The following HECTD4 variants were observed in gnomAD, a reference collection of about 807,000 sequenced individuals.
The protein encoded by HECTD4 is probable E3 ubiquitin-protein ligase HECTD4.
HECTD4 carries 114 observed loss-of-function variants against 471.5 expected under a neutral mutation model. The ratio of observed to expected loss-of-function variants is 0.24; its 90% confidence interval spans 0.21 to 0.28. The LOEUF (loss-of-function observed/expected upper bound fraction) is 0.28, where lower values mean the gene tolerates loss of function less well. Among genes scored for constraint, HECTD4 ranks in the 10% least tolerant of loss-of-function variants. HECTD4 has a pLI of 1.00. For synonymous variants in HECTD4, 2,012 were observed against 2,256.0 expected (o/e 0.89, Z 3.07); for missense variants, 3,866 against 5,651.5 (o/e 0.68, Z 10.13).
chr12:112,172,877 G>A lies in HECTD4; in HGVS notation c.11595-16C>T. The A allele has an allele frequency of 6.2e-7, 1 of 1,611,056 alleles. No individual in the cohort carries two copies. The highest frequency in any genetic ancestry group is 8.5e-7 in the Non-Finnish European group (1 of 1,177,508). On this transcript the variant is annotated splice_polypyrimidine_tract_variant and intron_variant, in intron 66 of 75. Coordinates refer to ENST00000682272, the MANE Select transcript of HECTD4 (RefSeq NM_001388303.1). ...GCATGCGCACCTTGGGGTGGGGACA[G>A]GGGGAGAGGGGCAAAGTGAGGCAGG...
chr12:112,283,955 CTTTTTTTT>C (rs746498265), intron 7 of HECTD4, among the ~76,000 whole-genome samples: 1 of 135,564 alleles, frequency 7.4e-6, no homozygotes, highest in African/African-American at 2.7e-5. Context: ...CTTCTTTCTT[CTTTTTTTT>C]TTTTTTTTTC....
At chr12:112,212,769 A>C in intron 48 of HECTD4, 119 bp from the exon 49 acceptor site, 1 of 688,736 alleles carries the variant, frequency 1.5e-6, no homozygotes, top group African/African-American at 1.8e-5. Context: ...TTTACTTCTG[A>C]AATGGACATG....
At chr12:112,280,784 C>CTTTTTTT (rs569956040) in intron 8 of HECTD4, among the ~76,000 whole-genome samples, 1 of 115,246 alleles carries the variant, frequency 8.7e-6, no homozygotes, top group Non-Finnish European at 1.8e-5. Flanking sequence ...GGAATAAAAA[C>CTTTTTTT]TTTTTTTTTT....
intron 45 of HECTD4, 26 bp downstream of exon 45, chr12:112,219,360 G>A (rs1288286639): frequency 1.3e-6 from 2 of 1,550,990 alleles, no homozygotes; most frequent in Admixed American, 1.7e-5. Flanking sequence ...GGCTGCAGGA[G>A]GCGCGAAGCA....
chr12:112,179,412 G>C lies in HECTD4; in HGVS notation c.10988-15C>G. 3 of 1,597,650 alleles carry C rather than the reference G, an allele frequency of 1.9e-6. No individual in the cohort carries two copies. The highest frequency in any genetic ancestry group is 2.7e-5 in the African/African-American group (2 of 74,774). The stretch of plus-strand genomic sequence containing the variant: ...CAGCTTCTCCCCTGTTGGATGGAGA[G>C]GGGGCAAAACAATTCTGCCGTGAAC... On this transcript the variant is annotated splice_polypyrimidine_tract_variant and intron_variant, in intron 62 of 75. Coordinates refer to ENST00000682272, the MANE Select transcript of HECTD4 (RefSeq NM_001388303.1). This position sits in a 1 kb window ranked among gnomAD's most constrained non-coding sequence, Gnocchi z 4.3.
At chr12:112,196,069 GTT>G (rs2032232854) in intron 55 of HECTD4, among the ~76,000 whole-genome samples, 1 of 152,192 alleles carries the variant, frequency 6.6e-6, no homozygotes, top group Non-Finnish European at 1.5e-5. Context: ...GAGCCCAGTA[GTT>G]GGAGGCCACA....
At chr12:112,292,205 C>T (rs186232076) in intron 7 of HECTD4, among the ~76,000 whole-genome samples, 27 of 152,304 alleles carry the variant, frequency 1.8e-4, no homozygotes, top group Non-Finnish European at 2.2e-4. Flanking sequence ...TGTTGTTCTT[C>T]CTCAACAAGC....
At chr12:112,252,360 G>A in intron 23 of HECTD4, 64 bp downstream of exon 23, 1 of 1,476,362 alleles carries the variant, frequency 6.8e-7, no homozygotes. Context: ...CAAATATGCT[G>A]TATGTAATCA....
intron 1 of HECTD4, among the ~76,000 whole-genome samples, chr12:112,352,793 G>C (rs1433028748): frequency 6.6e-6 from 1 of 151,976 alleles, no homozygotes; most frequent in Non-Finnish European, 1.5e-5. Flanking sequence ...TTTTTGTAGA[G>C]ACAGAGTCTC....
At position 112,185,237 on chromosome 12, in the gene HECTD4, C is replaced by G; in HGVS notation, c.9729G>C (p.Ala3243=). The part of the protein sequence containing the change: ...GGACGGSGGA[A]AGDQGRFSTY... ...TAGAGAACCTGCCCTGGTCACCGGC[C>G]GCCGCCCCCCCGGAGCCCCCGCAGG... The change falls in exon 61 of 76, where the codon GCG becomes GCC. Residue 3243 remains alanine, a synonymous_variant. Transcript: ENST00000682272. 1.9e-6 allele frequency: 3 copies of G among 1,550,538 alleles called. No individual in the cohort carries two copies. The highest frequency in any genetic ancestry group is 2.6e-6 in the Non-Finnish European group (3 of 1,146,724).
chr12:112,163,477 G>C lies in HECTD4; in HGVS notation c.12897+65C>G. On this transcript the variant is annotated intron_variant, in intron 74 of 75. Transcript: ENST00000682272. The surrounding 1 kb of genome is among the most constrained non-coding windows in gnomAD (Gnocchi z 8.2). ...TGCCGATGCCTGCTGCTGGAGTTGA[G>C]GGTGACAGGGAGGCACGCCTGGGGC... The C allele has an allele frequency of 1.5e-6, 2 of 1,352,950 alleles. No individual in the cohort carries two copies. The highest frequency in any genetic ancestry group is 2.0e-6 in the Non-Finnish European group (2 of 1,011,430). The allele number at this position is 1,352,950 out of a possible 1,614,324, so 83.8% of individuals were successfully genotyped here.
intron 19 of HECTD4, 137 bp downstream of exon 19, chr12:112,258,975 T>G (rs1252665621): frequency 2.6e-6 from 2 of 766,986 alleles, no homozygotes; most frequent in African/African-American, 3.6e-5. Flanking sequence ...CATGATATTT[T>G]TCTTCATTCC....
intron 44 of HECTD4, among the ~76,000 whole-genome samples, chr12:112,220,782 G>A (rs1269059566): frequency 2.6e-5 from 4 of 151,932 alleles, no homozygotes; most frequent in African/African-American, 4.8e-5. Context: ...GGGTGACAGA[G>A]TGAGACTCTG....
At chr12:112,260,733 T>C (rs1019177794) in intron 18 of HECTD4, among the ~76,000 whole-genome samples, 3 of 150,472 alleles carry the variant, frequency 2.0e-5, no homozygotes, top group African/African-American at 7.3e-5. Flanking sequence ...CCTGCCACCA[T>C]GCCTGGCTAA....
Position 112,213,177 on chromosome 12 carries a change from GC to G in HECTD4, c.7466-528del, listed in dbSNP as rs2032814628. ...CTGTCAGAATTTTTAGAAGGAAAAT[GC>G]CTAGTGTCTGTGTTAAATTAGTTAC... is the stretch of plus-strand genomic sequence containing the variant. On this transcript the variant is annotated intron_variant, in intron 48 of 75. Coordinates refer to ENST00000682272, the MANE Select transcript of HECTD4 (RefSeq NM_001388303.1). This position sits in a 1 kb window ranked among gnomAD's most constrained non-coding sequence, Gnocchi z 4.0. Among the ~76,000 whole-genome samples, 3 of 152,236 alleles carry G rather than the reference GC, an allele frequency of 2.0e-5. No individual in the cohort carries two copies.
At chr12:112,372,439 T>C (rs2036697375) in intron 1 of HECTD4, among the ~76,000 whole-genome samples, 1 of 151,540 alleles carries the variant, frequency 6.6e-6, no homozygotes, top group African/African-American at 2.4e-5. Context: ...TTTTGTATTT[T>C]TTTAGTAGAG....
chr12:112,171,318 G>T, intron 67 of HECTD4, 55 bp from the exon 68 acceptor site: 1 of 1,555,232 alleles, frequency 6.4e-7, no homozygotes, highest in Non-Finnish European at 8.7e-7. Context: ...TGAGATGCCT[G>T]ACTCACAGGC....
intron 60 of HECTD4, among the ~76,000 whole-genome samples, chr12:112,187,622 C>CTTTTT (rs150976845): frequency 2.7e-4 from 23 of 85,956 alleles, no homozygotes; most frequent in Non-Finnish European, 3.3e-4. Context: ...GTTTCCTTTC[C>CTTTTT]TTTTTTTTTT....
intron 1 of HECTD4, among the ~76,000 whole-genome samples, chr12:112,336,490 T>A (rs2135721266): frequency 6.6e-6 from 1 of 151,026 alleles, no homozygotes; most frequent in African/African-American, 2.4e-5. Context: ...TCCACTGCAC[T>A]CCAACCTGGG....
Sources: allele counts gnomAD v4.1 joint callset (sites outside exome capture counted in the v4.1 genomes callset), GRCh38; gene constraint gnomAD v4.1.1; non-coding constraint Gnocchi (gnomAD v3.1); transcripts MANE v1.5; gene names NCBI Gene and HGNC (gene_info 2026-07-23, HGNC 2026-07-21).